The following TRPM3 variants were observed in gnomAD, a reference collection of about 807,000 sequenced individuals.
The protein encoded by TRPM3 is transient receptor potential cation channel subfamily M member 3.
In TRPM3, 77 loss-of-function variants were observed where a neutral mutation model predicts 181.2. That is an observed-to-expected ratio of 0.42 (90% CI 0.35 to 0.51). The LOEUF is 0.51. TRPM3 is among the 20% of genes least tolerant of loss of function. TRPM3 has a pLI of 0.01. For synonymous variants in TRPM3, 745 were observed against 796.4 expected (o/e 0.94, Z 1.09); for missense variants, 1,759 against 2,196.7 (o/e 0.80, Z 3.98).
intron 6 of TRPM3, among the ~76,000 whole-genome samples, chr9:70,809,700 C>A (rs2091500140): frequency 6.6e-6 from 1 of 152,148 alleles, no homozygotes; most frequent in Admixed American, 6.5e-5. Context: ...TATAGTAACC[C>A]CATCGTTAAG....
At chr9:71,444,787 C>T (rs1376363184) in intron 1 of TRPM3, among the ~76,000 whole-genome samples, 1 of 152,118 alleles carries the variant, frequency 6.6e-6, no homozygotes, top group Non-Finnish European at 1.5e-5. Flanking sequence ...GGTTCAAAAC[C>T]ACCATCTTAG....
rs1447360082 is a variant in TRPM3, at chr9:71,369,068, G to A, written c.183+77585C>T. ...ACATATATTGCAAAAGAATAACTGA[G>A]ATCAATAATCTTACTAGCTATTTTA... On this transcript the variant is annotated intron_variant, in intron 1 of 24. Coordinates refer to the TRPM3 transcript ENST00000357533. Among the ~76,000 whole-genome samples, 3 of 151,906 alleles carry A rather than the reference G, an allele frequency of 2.0e-5. No homozygotes were observed. In the East Asian group the frequency reaches 5.8e-4, roughly 29 times the overall value.
intron 1 of TRPM3, among the ~76,000 whole-genome samples, chr9:71,365,987 G>A (rs7874253): frequency 0.49 from 74,169 of 151,824 alleles, 19,085 homozygotes; most frequent in East Asian, 0.6. Context: ...ATGGGGAGGG[G>A]TGCATGTTAG....
intron 1 of TRPM3, among the ~76,000 whole-genome samples, chr9:71,084,165 C>T (rs1030271880): frequency 1.1e-4 from 16 of 151,888 alleles, no homozygotes; most frequent in South Asian, 6.2e-4. Context: ...CTGTGATTCT[C>T]GTGGCATCCT....
intron 3 of TRPM3, among the ~76,000 whole-genome samples, chr9:70,847,554 T>C (rs1210819872): frequency 1.3e-5 from 2 of 152,126 alleles, no homozygotes; most frequent in African/African-American, 2.4e-5. Flanking sequence ...GATTTAATGA[T>C]TGCATGCAGG....
intron 6 of TRPM3, among the ~76,000 whole-genome samples, chr9:70,812,149 C>T (rs1417328318): frequency 1.3e-5 from 2 of 152,172 alleles, no homozygotes; most frequent in African/African-American, 4.8e-5. Flanking sequence ...TTTGTTCCTT[C>T]CTTAGAGACA....
At chr9:70,783,507 G>A (rs1244070424) in intron 7 of TRPM3, among the ~76,000 whole-genome samples, 1 of 152,146 alleles carries the variant, frequency 6.6e-6, no homozygotes, top group Admixed American at 6.5e-5. Flanking sequence ...GCTTTGGGCT[G>A]TTGAAAGTAG....
intron 7 of TRPM3, among the ~76,000 whole-genome samples, chr9:70,765,854 TA>T (rs1378166074): frequency 6.6e-6 from 1 of 152,196 alleles, no homozygotes; most frequent in East Asian, 1.9e-4. Flanking sequence ...TTAATCATCA[TA>T]AAAATTAGAG....
chr9:71,187,696 C>A (rs754392635), intron 1 of TRPM3, among the ~76,000 whole-genome samples: 3 of 151,912 alleles, frequency 2.0e-5, no homozygotes, highest in Non-Finnish European at 4.4e-5. Context: ...GATTACTAAA[C>A]AAAATCTAAA....
rs2063187415 is a variant in TRPM3 at position 70,618,853 on chromosome 9, T to C, written c.2358+14A>G. 1.7e-5 allele frequency: 27 copies of C among 1,601,580 alleles called. No individual in the cohort carries two copies. The highest frequency in any genetic ancestry group is 2.0e-5 in the Non-Finnish European group (24 of 1,179,088). ...GGTCCTCATAGCCAGGAGGGCCTTA[T>C]TGGGCGCCCTGACCTTGAGGCCTGA... On this transcript the variant is annotated intron_variant, in intron 17 of 25. Transcript: ENST00000677713.
At chr9:70,958,673 CT>C in intron 1 of TRPM3, among the ~76,000 whole-genome samples, 1 of 152,044 alleles carries the variant, frequency 6.6e-6, no homozygotes, top group Non-Finnish European at 1.5e-5. Context: ...ACCCAAAGGA[CT>C]ATAAATCACG....
chr9:70,997,486 C>T (rs1048192834), intron 1 of TRPM3, among the ~76,000 whole-genome samples: 26 of 152,220 alleles, frequency 1.7e-4, no homozygotes, highest in African/African-American at 3.4e-4. Context: ...TGAGCCACCG[C>T]GCCCGGCCCT....
intron 1 of TRPM3, among the ~76,000 whole-genome samples, chr9:71,224,135 G>C (rs901150830): frequency 6.6e-6 from 1 of 152,208 alleles, no homozygotes; most frequent in African/African-American, 2.4e-5. Context: ...TACCAGTGGT[G>C]GTGGGGCCAC....
At chr9:71,031,958 ATT>A (rs2057359646) in intron 1 of TRPM3, among the ~76,000 whole-genome samples, 3 of 79,284 alleles carry the variant, frequency 3.8e-5, no homozygotes, top group Non-Finnish European at 5.0e-5. Context: ...TATATATATA[ATT>A]ATATATATAT....
intron 11 of TRPM3, among the ~76,000 whole-genome samples, chr9:70,638,238 A>G (rs1564655668): frequency 1.3e-5 from 2 of 152,210 alleles, no homozygotes; most frequent in Non-Finnish European, 2.9e-5. Flanking sequence ...TTCGCCAGAC[A>G]CTGAACTTGC....
Position 70,621,232 on chromosome 9 carries a change from A to G in TRPM3, c.1839+12T>C, listed in dbSNP as rs528038171. On this transcript the variant is annotated intron_variant, in intron 15 of 25. Coordinates refer to ENST00000677713, the MANE Select transcript of TRPM3 (RefSeq NM_001366145.2). ...TAAATCATTGACACTAATAATTTGG[A>G]CAAACACTTACCTCCATTCCCAGCA... The G allele has an allele frequency of 2.0e-5, 31 of 1,589,472 alleles. No individual in the cohort carries two copies. The South Asian group carries it at 3.5e-4, about 18-fold the overall frequency.
chr9:71,115,024 G>A (rs1587373211), intron 1 of TRPM3, among the ~76,000 whole-genome samples: 2 of 152,262 alleles, frequency 1.3e-5, no homozygotes, highest in African/African-American at 4.8e-5. Flanking sequence ...ACTCAGAGCA[G>A]GGCAGCTGAA....
chr9:71,418,267 T>G (rs1783885755), intron 1 of TRPM3, among the ~76,000 whole-genome samples: 1 of 151,818 alleles, frequency 6.6e-6, no homozygotes, highest in Non-Finnish European at 1.5e-5. Flanking sequence ...CCAAAGGGAA[T>G]TTATTAAGAG....
chr9:70,609,907 T>C (rs1436876615), intron 19 of TRPM3, among the ~76,000 whole-genome samples: 2 of 144,870 alleles, frequency 1.4e-5, no homozygotes, highest in Admixed American at 1.4e-4. Flanking sequence ...AAGCTCATCT[T>C]AAAAAAAAAA....
Sources: gnomAD v4.1 joint callset for allele counts (sites outside exome capture counted in the v4.1 genomes callset) on GRCh38, gnomAD v4.1.1 for gene constraint, MANE v1.5 for transcripts, NCBI Gene and HGNC (gene_info 2026-07-23, HGNC 2026-07-21) for gene names.